The following DNAI3 variants were observed in gnomAD, a reference collection of about 807,000 sequenced individuals.
The protein encoded by DNAI3 is WD repeat domain 63.
A neutral mutation model predicts 115.5 loss-of-function variants in DNAI3; 83 were observed. The observed-to-expected ratio is 0.72, with a 90% CI of 0.60 to 0.86. DNAI3 has a LOEUF of 0.86. DNAI3 is among the 40% of genes least tolerant of loss of function. The pLI is 0.00. For missense variants in DNAI3, 1,004 were observed against 1,075.8 expected (o/e 0.93, Z 0.93); for synonymous variants, 320 against 347.0 (o/e 0.92, Z 0.86).
intron 3 of DNAI3, among the ~76,000 whole-genome samples, chr1:85,077,563 A>G (rs1487148346): frequency 6.6e-6 from 1 of 152,238 alleles, no homozygotes; most frequent in Non-Finnish European, 1.5e-5. Context: ...ATCTCAAAAT[A>G]GTTATGCTAA....
intron 13 of DNAI3, among the ~76,000 whole-genome samples, chr1:85,100,500 T>C (rs1655263937): frequency 6.6e-6 from 1 of 152,052 alleles, no homozygotes; most frequent in South Asian, 2.1e-4. Context: ...TGTGGAGAAA[T>C]AGGAACACTT....
intron 19 of DNAI3, 45 bp from the exon 20 acceptor site, chr1:85,126,466 A>C (rs1258291263): frequency 6.4e-7 from 1 of 1,562,038 alleles, no homozygotes; most frequent in East Asian, 2.3e-5. Flanking sequence ...CCCTCAGATA[A>C]TAACAAAATC....
In DNAI3 at chr1:85,108,196, TTAGTCC is replaced by T. The variant is rs1655548886; in HGVS notation, c.1698+20_1698+25del. The stretch of plus-strand genomic sequence containing the variant: ...CACTAAGGTAAGTAATGTGGGGTTT[TTAGTCC>T]ATCCTGCTTGCATAATACACTATTT... On this transcript the variant is annotated intron_variant, in intron 15 of 22. Coordinates refer to ENST00000294664, the MANE Select transcript of DNAI3 (RefSeq NM_145172.5). The T allele has an allele frequency of 6.4e-7, 1 of 1,570,598 alleles. No individual in the cohort carries two copies. Among genetic ancestry groups the T allele is most frequent in the East Asian group, 2.3e-5 (1 of 44,184 alleles).
At chr1:85,069,631 C>T (rs1654207507) in intron 1 of DNAI3, among the ~76,000 whole-genome samples, 1 of 151,964 alleles carries the variant, frequency 6.6e-6, no homozygotes, top group African/African-American at 2.4e-5. Flanking sequence ...CGCGATCCAC[C>T]CACCTCGGCC....
intron 1 of DNAI3, among the ~76,000 whole-genome samples, chr1:85,063,386 G>C (rs1480465254): frequency 1.3e-5 from 2 of 152,116 alleles, no homozygotes; most frequent in East Asian, 1.9e-4. Flanking sequence ...GAAAGTCCTC[G>C]ACTGTTTGGG....
intron 16 of DNAI3, among the ~76,000 whole-genome samples, chr1:85,114,860 T>C (rs1655770015): frequency 6.6e-6 from 1 of 152,226 alleles, no homozygotes; most frequent in East Asian, 1.9e-4. Flanking sequence ...CACTATCTAA[T>C]GGCCAGGGAC....
At chr1:85,065,798 A>C (rs996169787) in intron 1 of DNAI3, among the ~76,000 whole-genome samples, 2 of 152,234 alleles carry the variant, frequency 1.3e-5, no homozygotes, top group African/African-American at 4.8e-5. Flanking sequence ...TGTTTAAATC[A>C]CTGTATTATG....
At chr1:85,104,838 GTTC>G (rs10559350) in intron 14 of DNAI3, among the ~76,000 whole-genome samples, 77,979 of 151,690 alleles carry the variant, frequency 0.51, 20,674 homozygotes, top group African/African-American at 0.64. Flanking sequence ...ATTATCCATA[GTTC>G]TTCTTCACAT....
At chr1:85,068,986 A>T (rs1056481404) in intron 1 of DNAI3, among the ~76,000 whole-genome samples, 2 of 152,246 alleles carry the variant, frequency 1.3e-5, no homozygotes, top group Non-Finnish European at 2.9e-5. Context: ...ATCCCGGAAT[A>T]AGAAGACTTG....
Position 85,097,674 on chromosome 1 carries a change from T to A in DNAI3, c.1350+19T>A, listed in dbSNP as rs578182295. The stretch of plus-strand genomic sequence containing the variant: ...ACTGAAGGTAAGCTTTTTACAACAT[T>A]TCACTTGCAAGTTTTTTCCATTGAA... On this transcript the variant is annotated intron_variant, in intron 12 of 22. Coordinates refer to ENST00000294664, the MANE Select transcript of DNAI3 (RefSeq NM_145172.5). 48 of 1,596,866 alleles carry A rather than the reference T, an allele frequency of 3.0e-5. No homozygotes were observed. The East Asian group carries it at 1.1e-3, about 35-fold the overall frequency.
chr1:85,132,072 C>A (rs1656341980), intron 22 of DNAI3, among the ~76,000 whole-genome samples: 1 of 151,952 alleles, frequency 6.6e-6, no homozygotes, highest in African/African-American at 2.4e-5. Flanking sequence ...ACATTGAGAA[C>A]ATAAAAAAAG....
intron 17 of DNAI3, among the ~76,000 whole-genome samples, chr1:85,118,355 G>A (rs1655894842): frequency 6.6e-6 from 1 of 152,168 alleles, no homozygotes; most frequent in Non-Finnish European, 1.5e-5. Flanking sequence ...ATGTATCAGT[G>A]TCTGTGCCAA....
chr1:85,072,029 G>A, intron 2 of DNAI3, 24 bp downstream of exon 2: 1 of 1,597,880 alleles, frequency 6.3e-7, no homozygotes, highest in Non-Finnish European at 8.5e-7. Flanking sequence ...TTCATTGAAT[G>A]GGATTTTTTG....
At chr1:85,106,014 C>T (rs1557719998) in intron 14 of DNAI3, among the ~76,000 whole-genome samples, 1 of 152,148 alleles carries the variant, frequency 6.6e-6, no homozygotes, top group South Asian at 2.1e-4. Flanking sequence ...GTGGCACATG[C>T]CTGTAGTCCC....
intron 7 of DNAI3, among the ~76,000 whole-genome samples, chr1:85,088,704 G>A (rs539557695): frequency 1.3e-5 from 2 of 152,178 alleles, no homozygotes; most frequent in South Asian, 2.1e-4. Context: ...CCAATGTTTC[G>A]GGCATAATTT....
rs374225786 is a variant in DNAI3 at position 85,098,553 on chromosome 1, G to A, written c.1374G>A (p.Glu458=). 1.3e-4 allele frequency: 212 copies of A among 1,611,998 alleles called. 1 individual carries two copies. The South Asian group carries it at 1.8e-3, about 13-fold the overall frequency. Residue 458 remains glutamate (E), a synonymous_variant, in exon 13 of 23, where the codon GAG becomes GAA. Coordinates refer to ENST00000294664, the MANE Select transcript of DNAI3 (RefSeq NM_145172.5). ...AGCCTATGTTTCTCCTTGAACCGGA[G>A]AGTAATAAAGAAGCAATGTATATCA... is the stretch of plus-strand genomic sequence containing the variant. The part of the protein sequence containing the change: ...TLKPMFLLEP[E]SNKEAMYIRH...
At chr1:85,093,842 C>T in intron 9 of DNAI3, 194 bp downstream of exon 9, 1 of 703,310 alleles carries the variant, frequency 1.4e-6, no homozygotes. Flanking sequence ...GGATACACAC[C>T]TGTCATTATC....
rs923975473 is a variant in DNAI3, at chr1:85,093,531, G to A, written c.931G>A (p.Glu311Lys). The A allele has an allele frequency of 2.5e-6, 4 of 1,614,020 alleles. No individual in the cohort carries two copies. In the African/African-American group the frequency reaches 5.3e-5, roughly 22 times the overall value. Residue 311 changes from glutamate (E) to lysine (K), a missense_variant, in exon 9 of 23, where the codon GAA becomes AAA. Glu to Lys is a moderately conservative substitution (Grantham distance 56, BLOSUM62 1). This residue lies in a region of DNAI3 where 550 missense variants were observed against 568.1 expected (regional missense o/e 0.97). Coordinates refer to ENST00000294664, the MANE Select transcript of DNAI3 (RefSeq NM_145172.5). The stretch of plus-strand genomic sequence containing the variant: ...TGACTGGAAATACCTCGCAGAAGAA[G>A]AAGGCACCTTTGGGGACAAGACCGA... ...IDDWKYLAEE[E>K]GTFGDKTDTH...
chr1:85,108,004 A>C (rs546288344), intron 14 of DNAI3, 29 bp from the exon 15 acceptor site: 77 of 1,429,938 alleles, frequency 5.4e-5, no homozygotes, highest in Non-Finnish European at 7.0e-5. Flanking sequence ...GTTTGTACTT[A>C]ATAAAAAATA....
Sources: allele counts gnomAD v4.1 joint callset (sites outside exome capture counted in the v4.1 genomes callset), GRCh38; gene constraint gnomAD v4.1.1; regional missense constraint gnomAD v4.1.1; transcripts MANE v1.5; gene names NCBI Gene and HGNC (gene_info 2026-07-23, HGNC 2026-07-21).